Variants in PLD1 observed in about 807,000 individuals in gnomAD.
PLD1 encodes the protein phospholipase D1, also known as choline phosphatase 1.
PLD1 carries 112 observed loss-of-function variants against 137.1 expected under a neutral mutation model. That is an observed-to-expected ratio of 0.82 (90% CI 0.70 to 0.96). PLD1 has a LOEUF of 0.96. Ranked by LOEUF, PLD1 falls within the 40% of genes least tolerant of loss-of-function variation. The pLI is 0.00. For synonymous variants in PLD1, 431 were observed against 454.7 expected, an observed-to-expected ratio of 0.95 and a Z score of 0.66; for missense variants, 1,321 against 1,342.0, an observed-to-expected ratio of 0.98 and a Z score of 0.24.
In PLD1 at chr3:171,674,552, GTTGT is replaced by G; in HGVS notation, c.2173_2176del (p.Thr725GlnfsTer5). 1 of 1,611,440 alleles carries G rather than the reference GTTGT, an allele frequency of 6.2e-7. No homozygotes were observed. The highest frequency in any genetic ancestry group is 8.5e-7 in the Non-Finnish European group (1 of 1,177,800). ...CACTTGATATCTCAACTCATGGGCT[GTTGT>G]TTGAGACTTTGGAAGCAGAAAAGGA... On this transcript the variant is annotated frameshift_variant, in exon 19 of 27. Transcript: ENST00000351298. LOFTEE classifies it high-confidence loss of function.
At chr3:171,618,210 G>T (rs1232747456) in intron 24 of PLD1, among the ~76,000 whole-genome samples, 50 of 152,216 alleles carry the variant, frequency 3.3e-4, no homozygotes. Context: ...TGTAAGAATT[G>T]TGTGCAAAAT....
At chr3:171,722,586 G>T (rs1718211169) in intron 8 of PLD1, among the ~76,000 whole-genome samples, 1 of 152,010 alleles carries the variant, frequency 6.6e-6, no homozygotes, top group Admixed American at 6.6e-5. Flanking sequence ...GTGCCTTTTT[G>T]TATCTGGATG....
At chr3:171,756,274 C>T (rs1249586431) in intron 1 of PLD1, among the ~76,000 whole-genome samples, 2 of 152,140 alleles carry the variant, frequency 1.3e-5, no homozygotes, top group African/African-American at 4.8e-5. Context: ...TGGGCTGCCC[C>T]AAATATGATT....
rs1188867423 is a variant in PLD1 at position 171,730,483 on chromosome 3, C to G, written c.606+2961G>C. 2.6e-5 allele frequency among the ~76,000 whole-genome samples: 4 copies of G among 151,656 alleles called. No individual in the cohort carries two copies. The East Asian group carries it at 7.7e-4, about 29-fold the overall frequency. The stretch of plus-strand genomic sequence containing the variant: ...ATAATCATGGGAGAGAAGGTCTGAG[C>G]ACAAACCCAACCAATGGCTGTATAA... On this transcript the variant is annotated intron_variant, in intron 6 of 26. Transcript: ENST00000351298.
chr3:171,710,872 CTTT>C (rs774704143), intron 9 of PLD1, among the ~76,000 whole-genome samples: 10 of 98,564 alleles, frequency 1.0e-4, no homozygotes, highest in African/African-American at 1.9e-4. Flanking sequence ...GAAAACTGTT[CTTT>C]TTTTTTTTTT....
At chr3:171,774,422 A>G (rs777223925) in intron 1 of PLD1, among the ~76,000 whole-genome samples, 1 of 152,206 alleles carries the variant, frequency 6.6e-6, no homozygotes, top group Non-Finnish European at 1.5e-5. Flanking sequence ...GACTGCCTGC[A>G]GGGACCTTAG....
chr3:171,673,761 T>A (rs1283764478), intron 19 of PLD1, among the ~76,000 whole-genome samples: 1 of 152,228 alleles, frequency 6.6e-6, no homozygotes, highest in African/African-American at 2.4e-5. Context: ...TATGTAGCAG[T>A]AGCAGACTGC....
chr3:171,620,753 T>G, intron 23 of PLD1, among the ~76,000 whole-genome samples: 1 of 138,204 alleles, frequency 7.2e-6, no homozygotes, highest in Non-Finnish European at 1.5e-5. Context: ...TATATATATA[T>G]ATATATATAT....
In PLD1 at chr3:171,687,410, G is replaced by A. The variant is rs200929525; in HGVS notation, c.1714C>T (p.His572Tyr). 77 of 1,614,042 alleles carry A rather than the reference G, an allele frequency of 4.8e-5. No individual in the cohort carries two copies. Among genetic ancestry groups the A allele is most frequent in the Non-Finnish European group, 6.3e-5 (74 of 1,180,020 alleles). Residue 572 changes from histidine to tyrosine, a missense_variant, in exon 15 of 27, where the codon CAC (histidine) becomes TAC (tyrosine). Coordinates refer to ENST00000351298, the MANE Select transcript of PLD1 (RefSeq NM_002662.5). ...LYKQLHRHHL[H>Y]DADSISSIDS... ...ATGCTGCTGATGCTATCTGCGTCGT[G>A]CAGGTGGTGCCTGTGGAGCTGCTTG... is the stretch of plus-strand genomic sequence containing the variant.
At position 171,737,582 on chromosome 3, in the gene PLD1, G is replaced by C; in HGVS notation, c.238C>G (p.Pro80Ala). 1 of 1,612,578 alleles carries C rather than the reference G, an allele frequency of 6.2e-7. No homozygotes were observed. The highest frequency in any genetic ancestry group is 8.5e-7 in the Non-Finnish European group (1 of 1,179,252). Residue 80 changes from proline to alanine, a missense_variant, in exon 3 of 27, where the codon CCA becomes GCA. Transcript: ENST00000351298. ...ACTTCCAGAACTTGTGCTTTTATTG[G>C]ACAGCCGGAGAGATACGTCTGTATA... is the stretch of plus-strand genomic sequence containing the variant. ...PNIQTYLSGC[P>A]IKAQVLEVER...
At chr3:171,607,122 T>C (rs1732266813) in intron 25 of PLD1, among the ~76,000 whole-genome samples, 1 of 152,232 alleles carries the variant, frequency 6.6e-6, no homozygotes, top group Non-Finnish European at 1.5e-5. Flanking sequence ...CTAGGATTCT[T>C]GACTTTTATA....
chr3:171,761,092 T>C (rs1721361713), intron 1 of PLD1, among the ~76,000 whole-genome samples: 1 of 152,240 alleles, frequency 6.6e-6, no homozygotes, highest in Admixed American at 6.5e-5. Context: ...AACACACGTA[T>C]ACATGTATAG....
At chr3:171,724,010 C>T (rs1166831425) in intron 8 of PLD1, among the ~76,000 whole-genome samples, 1 of 152,124 alleles carries the variant, frequency 6.6e-6, no homozygotes, top group East Asian at 1.9e-4. Flanking sequence ...TATAGGAATA[C>T]CACATTTTGT....
chr3:171,714,937 T>C (rs1396762773), intron 8 of PLD1, among the ~76,000 whole-genome samples: 2 of 152,194 alleles, frequency 1.3e-5, no homozygotes, highest in Non-Finnish European at 2.9e-5. Flanking sequence ...GACACACTCA[T>C]GTGGGTGTAA....
Position 171,715,068 on chromosome 3 carries a change from GAAT to G in PLD1, c.759-1026_759-1024del, listed in dbSNP as rs373332926. Among the ~76,000 whole-genome samples, 207 of 152,202 alleles carry G rather than the reference GAAT, an allele frequency of 1.4e-3. 4 individuals are homozygous for G. Among genetic ancestry groups the G allele is most frequent in the African/African-American group, 4.8e-3 (199 of 41,540 alleles). ...ACATGATACAACTGAACAACATAATGAATAATATTCCCAATAACAATTTTCAAA... is the reference window on the plus strand; with the variant it reads ...ACATGATACAACTGAACAACATAATGAATATTCCCAATAACAATTTTCAAA... On this transcript the variant is annotated intron_variant, in intron 8 of 26. Coordinates refer to ENST00000351298, the MANE Select transcript of PLD1 (RefSeq NM_002662.5).
intron 23 of PLD1, among the ~76,000 whole-genome samples, chr3:171,637,386 C>T (rs1189561382): frequency 2.0e-5 from 3 of 147,468 alleles, no homozygotes; most frequent in South Asian, 2.3e-4. Flanking sequence ...CAGGTGCATG[C>T]CACCACGCCC....
At chr3:171,747,917 C>T (rs189727258) in intron 1 of PLD1, among the ~76,000 whole-genome samples, 154 of 148,954 alleles carry the variant, frequency 1.0e-3, no homozygotes, top group Middle Eastern at 3.4e-3. Flanking sequence ...TGCTCAACTT[C>T]CTCACCTAAA....
At chr3:171,708,362 T>C (rs1716863072) in intron 11 of PLD1, among the ~76,000 whole-genome samples, 1 of 152,178 alleles carries the variant, frequency 6.6e-6, no homozygotes, top group South Asian at 2.1e-4. Context: ...TGGAACTATT[T>C]CAACATCAAA....
At position 171,665,609 on chromosome 3, in the gene PLD1, C is replaced by T. The variant is rs548189694; in HGVS notation, c.2230-3439G>A. ...CAGCTACTCGGGAGGCTGAGGATGG[C>T]GAATCGCTTGAACCCAGGAGGCGGA... On this transcript the variant is annotated intron_variant, in intron 19 of 26. Coordinates refer to ENST00000351298, the MANE Select transcript of PLD1 (RefSeq NM_002662.5). Among the ~76,000 whole-genome samples the T allele has an allele frequency of 9.7e-4, 147 of 151,584 alleles. 1 individual carries two copies. Among genetic ancestry groups the T allele is most frequent in the Admixed American group, 7.9e-3 (120 of 15,210 alleles).
Sources: allele counts gnomAD v4.1 joint callset (sites outside exome capture counted in the v4.1 genomes callset), GRCh38; gene constraint gnomAD v4.1.1; transcripts MANE v1.5; gene names NCBI Gene and HGNC (gene_info 2026-07-23, HGNC 2026-07-21).